The following L3MBTL4 variants were observed in gnomAD, a reference collection of about 807,000 sequenced individuals.
L3MBTL4 encodes lethal(3)malignant brain tumor-like protein 4.
In L3MBTL4, 70 loss-of-function variants were observed where a neutral mutation model predicts 84.5. That is an observed-to-expected ratio of 0.83 (90% CI 0.68 to 1.01). L3MBTL4 has a LOEUF of 1.01. Ranked by LOEUF, L3MBTL4 falls within the 50% of genes least tolerant of loss-of-function variation. The pLI is 0.00. For missense variants in L3MBTL4, 715 were observed against 754.8 expected (o/e 0.95, Z 0.62); for synonymous variants, 274 against 259.8 (o/e 1.05, Z -0.52).
chr18:6,395,899 G>T (rs1343532510), intron 1 of L3MBTL4: 1 of 152,102 alleles, frequency 6.6e-6, no homozygotes, highest in Non-Finnish European at 1.5e-5. Flanking sequence ...TACTGAGCAA[G>T]ACCAAGACGT....
chr18:5,981,308 T>C (rs2053200713), intron 16 of L3MBTL4, among the ~76,000 whole-genome samples: 1 of 152,190 alleles, frequency 6.6e-6, no homozygotes, highest in Non-Finnish European at 1.5e-5. Flanking sequence ...CTTCAGTCTT[T>C]AAAAATTATT....
At chr18:6,312,669 G>A (rs1480621693) in intron 1 of L3MBTL4, among the ~76,000 whole-genome samples, 1 of 152,010 alleles carries the variant, frequency 6.6e-6, no homozygotes, top group African/African-American at 2.4e-5. Context: ...ACTACTTCTG[G>A]GCTAATGTCT....
At chr18:6,123,193 T>A (rs1464670653) in intron 14 of L3MBTL4, among the ~76,000 whole-genome samples, 1 of 152,204 alleles carries the variant, frequency 6.6e-6, no homozygotes, top group East Asian at 1.9e-4. Flanking sequence ...GATATTTACA[T>A]TTTATTAAAC....
intron 16 of L3MBTL4, among the ~76,000 whole-genome samples, chr18:5,994,501 C>A (rs993181695): frequency 1.3e-5 from 2 of 152,140 alleles, no homozygotes; most frequent in East Asian, 1.9e-4. Flanking sequence ...AGCCCCATTA[C>A]GAGGGAAGCA....
chr18:5,995,642 A>C (rs1287955551), intron 16 of L3MBTL4, among the ~76,000 whole-genome samples: 1 of 152,196 alleles, frequency 6.6e-6, no homozygotes, highest in South Asian at 2.1e-4. Context: ...GGAGAGACAG[A>C]ACTCTGCAAA....
chr18:6,098,193 G>A (rs2058702228), intron 14 of L3MBTL4, among the ~76,000 whole-genome samples: 1 of 152,158 alleles, frequency 6.6e-6, no homozygotes, highest in South Asian at 2.1e-4. Context: ...AAAAGGGTGG[G>A]TGGTGCTCTG....
intron 10 of L3MBTL4, among the ~76,000 whole-genome samples, chr18:6,217,028 T>G (rs1254147716): frequency 1.3e-5 from 2 of 152,212 alleles, no homozygotes; most frequent in East Asian, 3.8e-4. Flanking sequence ...AATCTGTCCT[T>G]TAAGCAGAAA....
At chr18:6,027,029 T>G (rs1439719176) in intron 16 of L3MBTL4, among the ~76,000 whole-genome samples, 3 of 152,184 alleles carry the variant, frequency 2.0e-5, no homozygotes, top group Admixed American at 2.0e-4. Flanking sequence ...GTTTGTTTGT[T>G]TGTTTTTTAC....
rs1012423034 is a variant in L3MBTL4 at position 5,971,349 on chromosome 18, G to A, written c.1445-1787C>T. On this transcript the variant is annotated intron_variant, in intron 16 of 18. Transcript: ENST00000317931. ...CAGGAGTTAAAGCCCTGCACTCTTAGGGATTAAGACCTGGGCCAAAACTGG... is the reference window on the plus strand; with the variant it reads ...CAGGAGTTAAAGCCCTGCACTCTTAAGGATTAAGACCTGGGCCAAAACTGG... Among the ~76,000 whole-genome samples the A allele has an allele frequency of 1.1e-4, 17 of 152,284 alleles. 1 individual carries two copies. Among genetic ancestry groups the A allele is most frequent in the South Asian group, 6.2e-4 (3 of 4,826 alleles).
At chr18:6,367,191 T>C (rs985337809) in intron 1 of L3MBTL4, 11 of 152,250 alleles carry the variant, frequency 7.2e-5, no homozygotes, top group Admixed American at 5.2e-4. Flanking sequence ...ATTCCTTACA[T>C]ATGTGCCTAG....
chr18:6,236,348 C>G (rs1412705789), intron 10 of L3MBTL4, among the ~76,000 whole-genome samples: 4 of 152,192 alleles, frequency 2.6e-5, no homozygotes, highest in African/African-American at 9.6e-5. Flanking sequence ...TGTAACAAAT[C>G]TTTATGACCT....
At chr18:6,348,504 T>C (rs2053026743) in intron 1 of L3MBTL4, among the ~76,000 whole-genome samples, 1 of 152,072 alleles carries the variant, frequency 6.6e-6, no homozygotes, top group Non-Finnish European at 1.5e-5. Flanking sequence ...AAAAAGATGA[T>C]CTTGAATGAA....
intron 1 of L3MBTL4, chr18:6,326,788 T>C (rs897409939): frequency 1.3e-5 from 2 of 152,342 alleles, no homozygotes; most frequent in Middle Eastern, 3.4e-3. Flanking sequence ...CTGATAAGTA[T>C]TGTTATTGAT....
At chr18:6,134,687 C>T (rs185987975) in intron 14 of L3MBTL4, among the ~76,000 whole-genome samples, 7 of 152,362 alleles carry the variant, frequency 4.6e-5, no homozygotes, top group Non-Finnish European at 7.3e-5. Flanking sequence ...ATCCAAGCCA[C>T]GCTGATGCAA....
chr18:6,371,862 C>G (rs573396757), intron 1 of L3MBTL4, among the ~76,000 whole-genome samples: 1 of 152,204 alleles, frequency 6.6e-6, no homozygotes, highest in African/African-American at 2.4e-5. Context: ...ATCAATATCA[C>G]CATAAAGACA....
intron 14 of L3MBTL4, among the ~76,000 whole-genome samples, chr18:6,119,196 T>C (rs911118265): frequency 7.8e-6 from 1 of 129,032 alleles, no homozygotes; most frequent in Non-Finnish European, 1.6e-5. Flanking sequence ...AGCTGCTGAC[T>C]TGATTTTTTT....
rs550400256 is a variant in L3MBTL4, at chr18:6,186,787, G to A, written c.982-14845C>T. The stretch of plus-strand genomic sequence containing the variant: ...GAGCCGCACTGAGGGTGTTTGCCCA[G>A]TGATGGCTTCCCAAGTGCTCTAGGC... On this transcript the variant is annotated intron_variant, in intron 12 of 18. Coordinates refer to ENST00000317931, the MANE Select transcript of L3MBTL4 (RefSeq NM_001330559.2). Among the ~76,000 whole-genome samples, 109 of 152,342 alleles carry A rather than the reference G, an allele frequency of 7.2e-4. 1 individual carries two copies. Among genetic ancestry groups the A allele is most frequent in the South Asian group, 1.4e-3 (7 of 4,832 alleles).
chr18:6,149,177 T>C (rs1033747608), intron 13 of L3MBTL4, among the ~76,000 whole-genome samples: 2 of 150,618 alleles, frequency 1.3e-5, no homozygotes, highest in Admixed American at 6.6e-5. Context: ...TAGGTATATC[T>C]CCCAATGCTA....
At chr18:6,238,607 T>C (rs568664119) in intron 9 of L3MBTL4, among the ~76,000 whole-genome samples, 1 of 151,640 alleles carries the variant, frequency 6.6e-6, no homozygotes, top group African/African-American at 2.4e-5. Flanking sequence ...CCCAAAAAAG[T>C]GAGTGAGCAT....
Sources: gnomAD v4.1 joint callset for allele counts (sites outside exome capture counted in the v4.1 genomes callset) on GRCh38, gnomAD v4.1.1 for gene constraint, MANE v1.5 for transcripts, NCBI Gene and HGNC (gene_info 2026-07-23, HGNC 2026-07-21) for gene names.